The following ZNF547 variants were observed in gnomAD, a reference collection of about 807,000 sequenced individuals.
The protein encoded by ZNF547 is zinc finger protein 547.
ZNF547 carries 4 observed loss-of-function variants against 7.7 expected under a neutral mutation model. The ratio of observed to expected loss-of-function variants is 0.52; its 90% CI spans 0.26 to 1.20. The LOEUF is 1.20. Among genes scored for constraint, ZNF547 ranks in the 50% most tolerant of loss-of-function variants. The pLI, the probability that ZNF547 is intolerant of heterozygous loss-of-function variation, is 0.14. For missense variants in ZNF547, 449 were observed against 485.8 expected, an observed-to-expected ratio of 0.92 and a Z score of 0.71; for synonymous variants, 166 against 166.2, an observed-to-expected ratio of 1.00 and a Z score of 0.01.
chr19:57,365,224 C>A (rs749832620), intron 1 of ZNF547: 1 of 1,580,738 alleles, frequency 6.3e-7, no homozygotes, highest in South Asian at 1.1e-5. Context: ...CAGAAAAGTT[C>A]AGTTTCTTGG....
chr19:57,364,285 AAGTTGGGGAAGTC>A (rs2088446061), intron 1 of ZNF547: 1 of 153,600 alleles, frequency 6.5e-6, no homozygotes, highest in African/African-American at 2.4e-5. Flanking sequence ...TGAAAGAATG[AAGTTGGGGAAGTC>A]AGCAGCATGA....
chr19:57,378,904 C>CT lies in ZNF547; in HGVS notation c.*720dup. ...ACCATATTTTTAAGTCATTATGACT[C>CT]TGACTATTCTTGGTACTTCTCAGAA... On this transcript the variant is annotated 3_prime_UTR_variant, in exon 4 of 4. Coordinates refer to ENST00000282282, the MANE Select transcript of ZNF547 (RefSeq NM_173631.4). 2 of 247,278 alleles carry CT rather than the reference C, an allele frequency of 8.1e-6. No homozygotes were observed. The highest frequency in any genetic ancestry group is 1.6e-5 in the Non-Finnish European group (2 of 122,612). The allele number at this position is 247,278 out of a possible 1,614,324, so 15.3% of individuals were successfully genotyped here. A position where few individuals can be genotyped will look rare whatever the true frequency, so the allele number is the denominator to read the frequency against.
chr19:57,375,795 G>A (rs1283226279), intron 3 of ZNF547, among the ~76,000 whole-genome samples: 13 of 152,010 alleles, frequency 8.6e-5, no homozygotes, highest in Non-Finnish European at 1.2e-4. Context: ...GAAGGCAAAG[G>A]AGAAGCAGGC....
At chr19:57,368,925 T>G (rs1441763818) in intron 2 of ZNF547, among the ~76,000 whole-genome samples, 1 of 152,176 alleles carries the variant, frequency 6.6e-6, no homozygotes. Context: ...TTTAGGGAAC[T>G]GCAAGTGTCT....
chr19:57,367,920 G>T (rs1449969486), intron 1 of ZNF547, among the ~76,000 whole-genome samples: 1 of 152,200 alleles, frequency 6.6e-6, no homozygotes, highest in Non-Finnish European at 1.5e-5. Flanking sequence ...GGCAGGCCTG[G>T]TTGCAGAGGA....
rs754540499 is a variant in ZNF547 at position 57,368,554 on chromosome 19, C to T, written c.-2C>T. On this transcript the variant is annotated 5_prime_UTR_variant, in exon 2 of 4. Coordinates refer to ENST00000282282, the MANE Select transcript of ZNF547 (RefSeq NM_173631.4). ...TCCCTCTTCCTTCAGGGTCCCCTGG[C>T]GATGGCAGAAATGAACCCTGCACAG... 3.6e-5 allele frequency: 58 copies of T among 1,613,972 alleles called. No homozygotes were observed. Among genetic ancestry groups the T allele is most frequent in the Admixed American group, 2.3e-4 (14 of 60,002 alleles).
Position 57,377,909 on chromosome 19 carries a change from C to G in ZNF547, c.933C>G (p.Leu311=), listed in dbSNP as rs573510652. ...CGKFFMERST[L]SRHQRVHTGE... Reference sequence around the variant, plus strand: ...AATTCTTTATGGAAAGGTCTACACTCAGTAGACATCAGAGAGTTCACACTG... The same window carrying G: ...AATTCTTTATGGAAAGGTCTACACTGAGTAGACATCAGAGAGTTCACACTG... The change falls in exon 4 of 4, where the codon CTC becomes CTG. Residue 311 remains leucine (L), a synonymous_variant. Coordinates refer to ENST00000282282, the MANE Select transcript of ZNF547 (RefSeq NM_173631.4). 3.7e-6 allele frequency: 6 copies of G among 1,613,230 alleles called. No homozygotes were observed. The highest frequency in any genetic ancestry group is 1.3e-5 in the African/African-American group (1 of 74,572).
intron 2 of ZNF547, among the ~76,000 whole-genome samples, chr19:57,369,899 C>CTGTTTTTTTTTTTTTTT (rs2088493645): frequency 1.9e-5 from 1 of 51,678 alleles, no homozygotes; most frequent in Admixed American, 3.2e-4. Flanking sequence ...ACTCACAGTT[C>CTGTTTTTTTTTTTTTTT]TTTTTTTTTT....
Position 57,378,025 on chromosome 19 carries a change from G to A in ZNF547, c.1049G>A (p.Arg350Gln), listed in dbSNP as rs1046769967. The change falls in exon 4 of 4, where the codon CGG becomes CAG. Residue 350 changes from arginine (R) to glutamine (Q), a missense_variant. By Grantham distance (43) the Arg-to-Gln change is conservative. Coordinates refer to ENST00000282282, the MANE Select transcript of ZNF547 (RefSeq NM_173631.4). ...CACCAAAGAGTTCACACTGGAGAAC[G>A]GCCTTATGAATGCAGTGAGTGTGGG... is the stretch of plus-strand genomic sequence containing the variant. ...IQHQRVHTGERPYECSECGKA... is the reference protein window; with the variant it reads ...IQHQRVHTGEQPYECSECGKA... The A allele has an allele frequency of 4.3e-6, 7 of 1,613,960 alleles. No homozygotes were observed. In the East Asian group the frequency reaches 6.7e-5, roughly 15 times the overall value.
In ZNF547 at chr19:57,377,481, CAT is replaced by C. The variant is rs1265111571; in HGVS notation, c.507_508del (p.His169GlnfsTer4). The part of the protein sequence containing the change: ...SECGKAFSHK[H>X]KLSDHQKIHT... ...ATGTGGGAAAGCCTTTAGCCACAAA[CAT>C]AAACTTTCTGACCATCAGAAAATCC... On this transcript the variant is annotated frameshift_variant, in exon 4 of 4. Coordinates refer to ENST00000282282, the MANE Select transcript of ZNF547 (RefSeq NM_173631.4). LOFTEE classifies it low-confidence loss of function (END_TRUNC). 34 of 1,613,770 alleles carry C rather than the reference CAT, an allele frequency of 2.1e-5. No homozygotes were observed. Among genetic ancestry groups the C allele is most frequent in the African/African-American group, 8.0e-5 (6 of 74,816 alleles).
At chr19:57,365,483 C>T (rs1600074326) in intron 1 of ZNF547, 4 of 441,906 alleles carry the variant, frequency 9.1e-6, no homozygotes, top group Non-Finnish European at 1.6e-5. Context: ...ATAAAGAACT[C>T]ATTATCAATA....
rs771687206 is a variant in ZNF547 at position 57,377,181 on chromosome 19, G to T, written c.205G>T (p.Val69Leu). Residue 69 changes from valine (V) to leucine (L), a missense_variant, in exon 4 of 4, where the codon GTA becomes TTA. Coordinates refer to ENST00000282282, the MANE Select transcript of ZNF547 (RefSeq NM_173631.4). The part of the protein sequence containing the change: ...EEAPLEPGVS[V>L]GVSQVMAPKP... ...GGCACCTTTAGAGCCAGGTGTTTCT[G>T]TAGGAGTGTCACAGGTCATGGCTCC... 36 of 1,614,204 alleles carry T rather than the reference G, an allele frequency of 2.2e-5. No homozygotes were observed. Among genetic ancestry groups the T allele is most frequent in the Non-Finnish European group, 3.0e-5 (35 of 1,180,034 alleles).
At chr19:57,376,829 G>A (rs757796343) in intron 3 of ZNF547, among the ~76,000 whole-genome samples, 2 of 151,836 alleles carry the variant, frequency 1.3e-5, no homozygotes, top group Admixed American at 6.6e-5. Context: ...CATCCTTTAA[G>A]GCCCAGGAAA....
At position 57,369,899 on chromosome 19, in the gene ZNF547, C is replaced by CTTTTTTTTTTTTTTTTTTTTTTTT. The variant is rs61547238; in HGVS notation, c.24+1321_24+1344dup. Among the ~76,000 whole-genome samples the CTTTTTTTTTTTTTTTTTTTTTTTT allele has an allele frequency of 1.4e-4, 7 of 51,678 alleles. 3 individuals carry two copies. Among genetic ancestry groups the CTTTTTTTTTTTTTTTTTTTTTTTT allele is most frequent in the Admixed American group, 6.5e-4 (2 of 3,084 alleles). 33.9% of individuals were successfully genotyped at this position (51,678 alleles called of 152,430 possible). On this transcript the variant is annotated intron_variant, in intron 2 of 3. Transcript: ENST00000282282. Reference sequence around the variant, plus strand: ...AAAGAAGTTTAATTGACTCACAGTTCTTTTTTTTTTTTTTTTTTTTTTTTG... The same window carrying CTTTTTTTTTTTTTTTTTTTTTTTT: ...AAAGAAGTTTAATTGACTCACAGTTCTTTTTTTTTTTTTTTTTTTTTTTTTTTTTTTTTTTTTTTTTTTTTTTTG...
At chr19:57,366,557 T>G (rs1177794329) in intron 1 of ZNF547, among the ~76,000 whole-genome samples, 6 of 147,782 alleles carry the variant, frequency 4.1e-5, no homozygotes, top group South Asian at 2.2e-4. Context: ...GTTTTTTTTT[T>G]TTTTTTTTTT....
intron 2 of ZNF547, among the ~76,000 whole-genome samples, chr19:57,370,276 A>C (rs996840935): frequency 6.6e-6 from 1 of 152,142 alleles, no homozygotes; most frequent in Non-Finnish European, 1.5e-5. Context: ...GACACAGCTG[A>C]GAGTATGTGA....
In ZNF547 at chr19:57,377,715, A is replaced by G. The variant is rs539072027; in HGVS notation, c.739A>G (p.Lys247Glu). 2.5e-6 allele frequency: 4 copies of G among 1,614,214 alleles called. No homozygotes were observed. The African/African-American group carries it at 5.3e-5, about 22-fold the overall frequency. The change falls in exon 4 of 4, where the codon AAA (lysine) becomes GAA (glutamate). Residue 247 changes from lysine to glutamate, a missense_variant. By Grantham distance (56) the Lys-to-Glu change is moderately conservative. Transcript: ENST00000282282. The stretch of plus-strand genomic sequence containing the variant: ...GCCTTATGAGTGCAGTGAATGTGGG[A>G]AATTGTTTATGTGGAGTTCCACACT... ...ERPYECSECG[K>E]LFMWSSTLIT...
At position 57,378,740 on chromosome 19, in the gene ZNF547, G is replaced by A; in HGVS notation, c.*555G>A. ...CATAAAATTTGCCATCTTAACTATT[G>A]TAATGTCTTGTTTAATACTTGAAGT... On this transcript the variant is annotated 3_prime_UTR_variant, in exon 4 of 4. Coordinates refer to ENST00000282282, the MANE Select transcript of ZNF547 (RefSeq NM_173631.4). The A allele has an allele frequency of 2.3e-6, 1 of 434,032 alleles. No homozygotes were observed. The highest frequency in any genetic ancestry group is 4.5e-6 in the Non-Finnish European group (1 of 220,368). The allele number at this position is 434,032 out of a possible 1,614,324, so 26.9% of individuals were successfully genotyped here.
intron 1 of ZNF547, among the ~76,000 whole-genome samples, chr19:57,365,776 G>A (rs533655176): frequency 6.6e-6 from 1 of 151,404 alleles, no homozygotes; most frequent in African/African-American, 2.4e-5. Flanking sequence ...CAAAGTGCTG[G>A]GATTACAGGC....
Sources: gnomAD v4.1 joint callset for allele counts (sites outside exome capture counted in the v4.1 genomes callset) on GRCh38, gnomAD v4.1.1 for gene constraint, MANE v1.5 for transcripts, NCBI Gene and HGNC (gene_info 2026-07-23, HGNC 2026-07-21) for gene names.